Variants in ZFHX3 observed in about 807,000 individuals in gnomAD.
ZFHX3 encodes zinc finger homeobox 3, also known as zinc finger homeobox protein 3.
ZFHX3 carries 42 observed loss-of-function variants against 279.1 expected under a neutral mutation model. The observed-to-expected ratio is 0.15, with a 90% CI of 0.12 to 0.19. The LOEUF (loss-of-function observed/expected upper bound fraction) is 0.19. Ranked by LOEUF, ZFHX3 falls within the 10% of genes least tolerant of loss-of-function variation. The probability of loss-of-function intolerance (pLI) is 1.00; values close to 1 mark genes in which losing one functional copy is unlikely to be tolerated. For synonymous variants in ZFHX3, 2,293 were observed against 1,957.8 expected (o/e 1.17, Z -4.52); for missense variants, 4,981 against 4,754.0 (o/e 1.05, Z -1.40).
At chr16:73,319,560 CG>C (rs1406161573) in intron 3 of ZFHX3, among the ~76,000 whole-genome samples, 2 of 150,406 alleles carry the variant, frequency 1.3e-5, no homozygotes, top group African/African-American at 4.9e-5. Flanking sequence ...AACTCAGGGG[CG>C]GGGGGTTGGT....
At chr16:73,861,994 C>G (rs536896525) in intron 1 of ZFHX3, among the ~76,000 whole-genome samples, 4 of 152,308 alleles carry the variant, frequency 2.6e-5, no homozygotes, top group Admixed American at 6.5e-5. Flanking sequence ...TGAAAGTTAT[C>G]TATAGTTAAC....
Position 73,803,347 on chromosome 16 carries a change from T to C in ZFHX3, c.-1608+88304A>G, listed in dbSNP as rs568319560. Among the ~76,000 whole-genome samples the C allele has an allele frequency of 3.3e-5, 5 of 152,330 alleles. No homozygotes were observed. In the South Asian group the frequency reaches 1.0e-3, roughly 32 times the overall value. ...TGTTGAGGTATATCAGTTGTCATTG[T>C]TGACAAAACTTAAGACCTTGATAAT... On this transcript the variant is annotated intron_variant, in intron 1 of 17. Coordinates refer to the ZFHX3 transcript ENST00000641206.
In ZFHX3 at chr16:72,793,571, C is replaced by T; in HGVS notation, c.9111G>A (p.Leu3037=). 6.2e-7 allele frequency: 1 copy of T among 1,614,232 alleles called. No individual in the cohort carries two copies. Among genetic ancestry groups the T allele is most frequent in the Non-Finnish European group, 8.5e-7 (1 of 1,180,046 alleles). Residue 3037 remains leucine, a synonymous_variant, in exon 9 of 10, where the codon CTG becomes CTA. Coordinates refer to ENST00000268489, the MANE Select transcript of ZFHX3 (RefSeq NM_006885.4). This position sits in a 1 kb window ranked among gnomAD's most constrained non-coding sequence, Gnocchi z 4.3. Reference sequence around the variant, plus strand: ...GGGAAAAGATATGGTCACGTACAGACAGCCGAGCGCTGTACTTGATGCCAC... The same window carrying T: ...GGGAAAAGATATGGTCACGTACAGATAGCCGAGCGCTGTACTTGATGCCAC... The part of the protein sequence containing the change: ...TLCGIKYSAR[L]SVRDHIFSQQ...
intron 1 of ZFHX3, among the ~76,000 whole-genome samples, chr16:73,781,435 A>C (rs1959469400): frequency 7.5e-6 from 1 of 132,866 alleles, no homozygotes; most frequent in African/African-American, 2.7e-5. Flanking sequence ...GGTTTGGCAA[A>C]CTATGGCCCA....
chr16:73,431,741 G>C (rs779919913), intron 3 of ZFHX3, among the ~76,000 whole-genome samples: 2 of 152,000 alleles, frequency 1.3e-5, no homozygotes, highest in African/African-American at 2.4e-5. Context: ...TTGGTCAAAG[G>C]GATGTACTTT....
At chr16:73,122,154 A>T (rs531192266) in intron 7 of ZFHX3, among the ~76,000 whole-genome samples, 24 of 152,262 alleles carry the variant, frequency 1.6e-4, no homozygotes, top group Admixed American at 6.5e-4. Context: ...GAAATTAATT[A>T]ATGGATAGCC....
In ZFHX3 at chr16:73,042,368, G is replaced by A. The variant is rs191491608; in HGVS notation, c.-50+5384C>T. Reference sequence around the variant, plus strand: ...AGAGCCTATGATAGAAATGGGCACCGGGGACCATCTATCCAAAAGCCAGCC... The same window carrying A: ...AGAGCCTATGATAGAAATGGGCACCAGGGACCATCTATCCAAAAGCCAGCC... On this transcript the variant is annotated intron_variant, in intron 1 of 9. Coordinates refer to ENST00000268489, the MANE Select transcript of ZFHX3 (RefSeq NM_006885.4). Among the ~76,000 whole-genome samples the A allele has an allele frequency of 1.5e-3, 232 of 152,208 alleles. 1 individual carries two copies. The highest frequency in any genetic ancestry group is 5.2e-3 in the African/African-American group (216 of 41,532).
intron 7 of ZFHX3, among the ~76,000 whole-genome samples, chr16:72,805,496 GGA>G (rs1354729023): frequency 1.3e-5 from 2 of 152,292 alleles, no homozygotes; most frequent in South Asian, 4.1e-4. Flanking sequence ...GACAAAAAGA[GGA>G]GAGACCTCAG....
At chr16:73,728,789 C>A (rs2053543705) in intron 1 of ZFHX3, among the ~76,000 whole-genome samples, 1 of 146,482 alleles carries the variant, frequency 6.8e-6, no homozygotes, top group African/African-American at 2.5e-5. Context: ...TAATACTTTA[C>A]CTTAATGCTA....
chr16:73,750,434 G>A (rs1183565595), intron 1 of ZFHX3, among the ~76,000 whole-genome samples: 1 of 152,144 alleles, frequency 6.6e-6, no homozygotes. Flanking sequence ...AAATTGGGAG[G>A]TGTTCCTAAC....
At chr16:72,940,426 A>G (rs1960357062) in intron 3 of ZFHX3, among the ~76,000 whole-genome samples, 1 of 152,054 alleles carries the variant, frequency 6.6e-6, no homozygotes, top group Non-Finnish European at 1.5e-5. Context: ...ATGGGAGGAG[A>G]AGAAGTCAGG....
intron 1 of ZFHX3, among the ~76,000 whole-genome samples, chr16:72,994,046 C>T (rs1436269680): frequency 3.9e-5 from 6 of 152,258 alleles, no homozygotes; most frequent in African/African-American, 7.2e-5. Flanking sequence ...AACCTCTCCC[C>T]GCTACAAGCA....
chr16:73,413,063 C>G (rs1974855), intron 3 of ZFHX3, among the ~76,000 whole-genome samples: 79,188 of 151,872 alleles, frequency 0.52, 20,791 homozygotes, highest in Non-Finnish European at 0.54. Flanking sequence ...GTGTTGGGCA[C>G]GAAGGTGGAA....
intron 3 of ZFHX3, among the ~76,000 whole-genome samples, chr16:72,893,214 C>A (rs906905524): frequency 1.3e-5 from 2 of 152,192 alleles, no homozygotes; most frequent in African/African-American, 4.8e-5. Flanking sequence ...GAAATACGTT[C>A]CATCAAGAGA....
chr16:73,478,329 G>T (rs1023854940), intron 2 of ZFHX3, among the ~76,000 whole-genome samples: 1 of 151,752 alleles, frequency 6.6e-6, no homozygotes, highest in Non-Finnish European at 1.5e-5. Context: ...CCTGAACAGG[G>T]ACTTGAACCC....
intron 5 of ZFHX3, among the ~76,000 whole-genome samples, chr16:73,183,748 G>C (rs1967850650): frequency 6.6e-6 from 1 of 152,182 alleles, no homozygotes; most frequent in South Asian, 2.1e-4. Flanking sequence ...ATGGTTTCCA[G>C]GGTGCGTCCT....
At chr16:73,265,991 T>A (rs2013962863) in intron 4 of ZFHX3, among the ~76,000 whole-genome samples, 1 of 152,216 alleles carries the variant, frequency 6.6e-6, no homozygotes, top group Non-Finnish European at 1.5e-5. Flanking sequence ...CTTTCTCCAT[T>A]GCTAACAGAG....
At chr16:73,325,661 A>G (rs952814164) in intron 3 of ZFHX3, among the ~76,000 whole-genome samples, 1 of 152,178 alleles carries the variant, frequency 6.6e-6, no homozygotes, top group African/African-American at 2.4e-5. Flanking sequence ...CAACAAGCCT[A>G]CAACAGAAAA....
chr16:72,811,551 C>A, intron 7 of ZFHX3, 26 bp downstream of exon 7: 1 of 1,550,256 alleles, frequency 6.5e-7, no homozygotes. Flanking sequence ...AGAAAGACCA[C>A]AGGGTGCTGC....
Sources: gnomAD v4.1 joint callset for allele counts (sites outside exome capture counted in the v4.1 genomes callset) on GRCh38, gnomAD v4.1.1 for gene constraint, Gnocchi (gnomAD v3.1) non-coding constraint, MANE v1.5 for transcripts, NCBI Gene and HGNC (gene_info 2026-07-23, HGNC 2026-07-21) for gene names.